The following KIR2DL1 variants were observed in gnomAD, a reference collection of about 807,000 sequenced individuals.
KIR2DL1 encodes killer cell immunoglobulin like receptor, two Ig domains and long cytoplasmic tail 1.
KIR2DL1 carries 38 observed loss-of-function variants against 33.9 expected under a neutral mutation model. The observed-to-expected ratio is 1.12, with a 90% CI of 0.86 to 1.47. The LOEUF is 1.47. Among genes scored for constraint, KIR2DL1 ranks in the 40% most tolerant of loss-of-function variants. KIR2DL1 has a pLI of 0.00. For synonymous variants in KIR2DL1, 179 were observed against 165.9 expected (o/e 1.08, Z -0.61); for missense variants, 531 against 433.9 (o/e 1.22, Z -1.99).
chr19:54,776,877 A>G lies in KIR2DL1; in HGVS notation c.664+1419A>G, dbSNP rs1319919260. Reference sequence around the variant, plus strand: ...GGCTGCTCTCAAACTCATGACCTCAACTGAGGTGCCCGCCTCAGTCTCCCA... The same window carrying G: ...GGCTGCTCTCAAACTCATGACCTCAGCTGAGGTGCCCGCCTCAGTCTCCCA... On this transcript the variant is annotated intron_variant, in intron 4 of 7. Transcript: ENST00000336077. Among the ~76,000 whole-genome samples, 3 of 147,390 alleles carry G rather than the reference A, an allele frequency of 2.0e-5. 1 individual carries two copies. Among genetic ancestry groups the G allele is most frequent in the East Asian group, 2.0e-4 (1 of 5,118 alleles).
chr19:54,775,065 A>AGAGG, intron 3 of KIR2DL1, 100 bp from the exon 4 acceptor site: 1 of 1,344,730 alleles, frequency 7.4e-7, no homozygotes, highest in Non-Finnish European at 1.0e-6. Flanking sequence ...AGAGAGAGAG[A>AGAGG]GCATTAGGTC....
chr19:54,772,955 C>A (rs1357118871), intron 2 of KIR2DL1, among the ~76,000 whole-genome samples: 3 of 147,766 alleles, frequency 2.0e-5, no homozygotes, highest in African/African-American at 7.4e-5. Flanking sequence ...ATACCTCCTG[C>A]CAAGGATTCC....
chr19:54,777,352 A>G (rs796183789), intron 4 of KIR2DL1, among the ~76,000 whole-genome samples: 36 of 148,122 alleles, frequency 2.4e-4, no homozygotes, highest in African/African-American at 8.2e-4. Context: ...CAGGTTCTCA[A>G]AGTTCTAGGA....
chr19:54,770,402 C>T (rs2075548439), intron 1 of KIR2DL1, among the ~76,000 whole-genome samples: 2 of 141,480 alleles, frequency 1.4e-5, no homozygotes, highest in South Asian at 4.5e-4. Flanking sequence ...GAGATATGTG[C>T]CTAGGATGGA....
intron 4 of KIR2DL1, among the ~76,000 whole-genome samples, chr19:54,777,683 C>T (rs1313180809): frequency 6.8e-6 from 1 of 146,000 alleles, no homozygotes; most frequent in African/African-American, 2.5e-5. Flanking sequence ...GAGGTAATCC[C>T]AATGGTCTAT....
chr19:54,772,703 C>G (rs193200647), intron 2 of KIR2DL1, among the ~76,000 whole-genome samples: 2 of 143,258 alleles, frequency 1.4e-5, no homozygotes, highest in South Asian at 2.2e-4. Flanking sequence ...GAGACTCTGT[C>G]GCCAAAATTA....
In KIR2DL1 at chr19:54,776,381, T is replaced by C. The variant is rs1453351108; in HGVS notation, c.664+923T>C. On this transcript the variant is annotated intron_variant, in intron 4 of 7. Coordinates refer to ENST00000336077, the MANE Select transcript of KIR2DL1 (RefSeq NM_014218.3). Reference sequence around the variant, plus strand: ...AGAAATGGGAATCTTTTTAATGACCTCCAGTTCCATCCATGTGGCTGCAAA... The same window carrying C: ...AGAAATGGGAATCTTTTTAATGACCCCCAGTTCCATCCATGTGGCTGCAAA... 5.5e-5 allele frequency among the ~76,000 whole-genome samples: 8 copies of C among 145,448 alleles called. 2 individuals are homozygous for C. The highest frequency in any genetic ancestry group is 9.2e-5 in the Non-Finnish European group (6 of 65,332).
chr19:54,773,797 A>G (rs1329570837), intron 3 of KIR2DL1, among the ~76,000 whole-genome samples, 165 bp downstream of exon 3: 1 of 147,890 alleles, frequency 6.8e-6, no homozygotes, highest in Non-Finnish European at 1.5e-5. Flanking sequence ...AGGAGACACA[A>G]GTAGAGACCA....
At chr19:54,774,908 C>G (rs1480004436) in intron 3 of KIR2DL1, among the ~76,000 whole-genome samples, 1 of 148,220 alleles carries the variant, frequency 6.7e-6, no homozygotes, top group East Asian at 1.9e-4. Context: ...TCAAGTCAAC[C>G]AATCCAAGGA....
intron 5 of KIR2DL1, among the ~76,000 whole-genome samples, chr19:54,779,762 A>G (rs2076750514): frequency 6.7e-6 from 1 of 149,394 alleles, no homozygotes; most frequent in South Asian, 2.1e-4. Context: ...CAAACAGTGA[A>G]CAAGATGCAT....
In KIR2DL1 at chr19:54,776,144, C is replaced by G. The variant is rs1247094070; in HGVS notation, c.664+686C>G. On this transcript the variant is annotated intron_variant, in intron 4 of 7. Coordinates refer to ENST00000336077, the MANE Select transcript of KIR2DL1 (RefSeq NM_014218.3). ...TGACCACGTGATCCACCCGCATCAG[C>G]CTCCCAAAGTGCTGGGATTACAGGC... Among the ~76,000 whole-genome samples, 5 of 144,174 alleles carry G rather than the reference C, an allele frequency of 3.5e-5. 1 individual carries two copies. Among genetic ancestry groups the G allele is most frequent in the Middle Eastern group, 6.6e-3 (2 of 304 alleles). 94.6% of individuals were successfully genotyped at this position (144,174 alleles called of 152,430 possible).
At chr19:54,780,111 C>T (rs1271268507) in intron 5 of KIR2DL1, 7 of 525,976 alleles carry the variant, frequency 1.3e-5, no homozygotes, top group African/African-American at 7.4e-5. Flanking sequence ...ACCACGTTGG[C>T]CAAGCTTGTC....
chr19:54,772,988 C>G lies in KIR2DL1; in HGVS notation c.71-345C>G, dbSNP rs541067635. On this transcript the variant is annotated intron_variant, in intron 2 of 7. Transcript: ENST00000336077. ...TCCAATTCGTCCAAAAGAGATTGAA[C>G]CAGGCTGCTAAGAGCCTGGATGTGC... Among the ~76,000 whole-genome samples, 36 of 148,300 alleles carry G rather than the reference C, an allele frequency of 2.4e-4. 1 individual carries two copies. Among genetic ancestry groups the G allele is most frequent in the African/African-American group, 8.3e-4 (34 of 40,762 alleles).
chr19:54,776,531 T>G lies in KIR2DL1; in HGVS notation c.664+1073T>G, dbSNP rs1167487964. ...TCCTCATCTTGGCTACTGTGAACAG[T>G]GCTGCACCAATCATACGAGTGCAGA... On this transcript the variant is annotated intron_variant, in intron 4 of 7. Coordinates refer to ENST00000336077, the MANE Select transcript of KIR2DL1 (RefSeq NM_014218.3). Among the ~76,000 whole-genome samples the G allele has an allele frequency of 2.0e-5, 3 of 147,444 alleles. No individual in the cohort carries two copies. The East Asian group carries it at 5.8e-4, about 29-fold the overall frequency.
chr19:54,772,121 T>C lies in KIR2DL1; in HGVS notation c.71-1212T>C, dbSNP rs1248030989. Among the ~76,000 whole-genome samples, 8 of 148,254 alleles carry C rather than the reference T, an allele frequency of 5.4e-5. No homozygotes were observed. In the East Asian group the frequency reaches 1.6e-3, roughly 29 times the overall value. On this transcript the variant is annotated intron_variant, in intron 2 of 7. Coordinates refer to ENST00000336077, the MANE Select transcript of KIR2DL1 (RefSeq NM_014218.3). ...CTATTTATGATATAGGGGAAGGGAC[T>C]GAAGGAGAAGATGGAGCTCAGGTTG...
intron 5 of KIR2DL1, among the ~76,000 whole-genome samples, chr19:54,782,687 T>C (rs1386872135): frequency 2.6e-5 from 4 of 151,828 alleles, no homozygotes; most frequent in Admixed American, 6.6e-5. Context: ...GAAATTTCAA[T>C]GTGAGGTTTG....
At chr19:54,772,866 C>T (rs1365047905) in intron 2 of KIR2DL1, among the ~76,000 whole-genome samples, 3 of 145,232 alleles carry the variant, frequency 2.1e-5, no homozygotes, top group Non-Finnish European at 4.6e-5. Flanking sequence ...GAAGCTGGCA[C>T]TGGCATGGCA....
chr19:54,777,267 T>A (rs1483047610), intron 4 of KIR2DL1, among the ~76,000 whole-genome samples: 1 of 148,932 alleles, frequency 6.7e-6, no homozygotes, highest in Non-Finnish European at 1.5e-5. Flanking sequence ...ATTTTTGTAT[T>A]TTTAGTAGAG....
chr19:54,774,612 G>C (rs1276429744), intron 3 of KIR2DL1, among the ~76,000 whole-genome samples: 1 of 147,928 alleles, frequency 6.8e-6, no homozygotes, highest in Admixed American at 6.8e-5. Flanking sequence ...ACATAGAGAT[G>C]ATGATGATGA....
Sources: gnomAD v4.1 joint callset for allele counts (sites outside exome capture counted in the v4.1 genomes callset) on GRCh38, gnomAD v4.1.1 for gene constraint, MANE v1.5 for transcripts, NCBI Gene and HGNC (gene_info 2026-07-23, HGNC 2026-07-21) for gene names.